SPOCD1: variants seen among roughly 807,000 people sequenced by gnomAD.
SPOCD1 encodes the protein SPOC domain-containing protein 1.
In SPOCD1, 64 loss-of-function variants were observed where a neutral mutation model predicts 92.2. The observed-to-expected ratio is 0.69, with a 90% confidence interval of 0.57 to 0.86. The LOEUF (loss-of-function observed/expected upper bound fraction) is 0.86. SPOCD1 is among the 40% of genes least tolerant of loss of function. The pLI is 0.00. For synonymous variants in SPOCD1, 578 were observed against 619.3 expected (o/e 0.93, Z 0.99); for missense variants, 1,360 against 1,543.1 (o/e 0.88, Z 1.99).
Position 31,790,427 on chromosome 1 carries a change from A to G in SPOCD1, c.*176T>C, listed in dbSNP as rs907584706. 5 of 668,956 alleles carry G rather than the reference A, an allele frequency of 7.5e-6. No individual in the cohort carries two copies. The highest frequency in any genetic ancestry group is 1.3e-5 in the Non-Finnish European group (5 of 395,880). The allele number at this position is 668,956 out of a possible 1,614,324, so 41.4% of individuals were successfully genotyped here. A position where few individuals can be genotyped will look rare whatever the true frequency, so the allele number is the denominator to read the frequency against. On this transcript the variant is annotated 3_prime_UTR_variant, in exon 16 of 16. Coordinates refer to ENST00000360482, the MANE Select transcript of SPOCD1 (RefSeq NM_144569.7). ...TGACCAGCTAGCAGATGCAATCCCA[A>G]TTTTACCAAATTCTTTATTGAACAA... is the stretch of plus-strand genomic sequence containing the variant.
intron 2 of SPOCD1, among the ~76,000 whole-genome samples, chr1:31,804,454 T>C (rs1648676658): frequency 6.6e-6 from 1 of 152,208 alleles, no homozygotes; most frequent in Non-Finnish European, 1.5e-5. Flanking sequence ...AGCTACTTTC[T>C]CAATAGTAAT....
Position 31,791,104 on chromosome 1 carries a change from T to C in SPOCD1, c.3150A>G (p.Pro1050=). 1 of 1,613,086 alleles carries C rather than the reference T, an allele frequency of 6.2e-7. No homozygotes were observed. Among genetic ancestry groups the C allele is most frequent in the South Asian group, 1.1e-5 (1 of 91,004 alleles). ...NSKVEKRYYQ[P]DDRRPNVPLK... ...GGGGCACATTCGGCCTCCTGTCATC[T>C]GGCTGATAGTATCTCTTCTCCACCT... Residue 1050 remains proline (P), a synonymous_variant, in exon 16 of 16, where the codon CCA becomes CCG. Coordinates refer to ENST00000360482, the MANE Select transcript of SPOCD1 (RefSeq NM_144569.7).
In SPOCD1 at chr1:31,815,024, G is replaced by A. The variant is rs1649466344; in HGVS notation, c.310C>T (p.Leu104=). ...CTCCCCTGAGTAGGCACCGAGGGCA[G>A]CTGCATGTGGAGCCCAGGAGCCAGC... ...SMLAPGLHMQ[L]PSVPTQGRAL... Residue 104 remains leucine (L), a synonymous_variant, in exon 2 of 16, where the codon CTG becomes TTG. Transcript: ENST00000360482. 6.2e-7 allele frequency: 1 copy of A among 1,613,836 alleles called. No individual in the cohort carries two copies. Among genetic ancestry groups the A allele is most frequent in the East Asian group, 2.2e-5 (1 of 44,876 alleles).
At position 31,799,452 on chromosome 1, in the gene SPOCD1, A is replaced by G. The variant is rs766560740; in HGVS notation, c.1817T>C (p.Ile606Thr). The change falls in exon 7 of 16, where the codon ATT becomes ACT. Residue 606 changes from isoleucine to threonine, a missense_variant. Ile to Thr is a moderately conservative substitution (Grantham distance 89). Coordinates refer to ENST00000360482, the MANE Select transcript of SPOCD1 (RefSeq NM_144569.7). ...ACGGACAACAGTGCCCCGCACCCCA[A>G]TATACAGGGATGGCTTCTCCTGTTG... ...QLQQEKPSLYIGVRGTVVRSM... is the reference protein window; with the variant it reads ...QLQQEKPSLYTGVRGTVVRSM... 8.7e-6 allele frequency: 14 copies of G among 1,611,890 alleles called. No individual in the cohort carries two copies. In the African/African-American group the frequency reaches 9.3e-5, roughly 11 times the overall value.
rs1264528719 is a variant in SPOCD1 at position 31,798,847 on chromosome 1, T to C, written c.1869-246A>G. 9 of 573,952 alleles carry C rather than the reference T, an allele frequency of 1.6e-5. No individual in the cohort carries two copies. Among genetic ancestry groups the C allele is most frequent in the Non-Finnish European group, 2.8e-5 (9 of 324,732 alleles). The allele number at this position is 573,952 out of a possible 1,614,324, so 35.6% of individuals were successfully genotyped here. A position where few individuals can be genotyped will look rare whatever the true frequency, so the allele number is the denominator to read the frequency against. ...AGAGGCTTACTCACAACTGTGTAAT[T>C]AGTGGCAAAAGCAAGATTTGAAACT... On this transcript the variant is annotated intron_variant, in intron 7 of 15. Transcript: ENST00000360482. This position sits in a 1 kb window ranked among gnomAD's most constrained non-coding sequence, Gnocchi z 4.1.
Position 31,796,634 on chromosome 1 carries a change from T to A in SPOCD1, c.2227A>T (p.Ile743Phe). 1 of 1,614,218 alleles carries A rather than the reference T, an allele frequency of 6.2e-7. No homozygotes were observed. Among genetic ancestry groups the A allele is most frequent in the Non-Finnish European group, 8.5e-7 (1 of 1,180,038 alleles). ...SKMTHKGEVE[I>F]QRDMDQTLTL... ...AGTGTCTGGTCCATGTCCCGCTGAA[T>A]CTCCACTTCGCCCTTGTGGGTCATT... Residue 743 changes from isoleucine (I) to phenylalanine (F), a missense_variant, in exon 10 of 16, where the codon ATT (isoleucine) becomes TTT (phenylalanine). By Grantham distance (21) the Ile-to-Phe change is conservative. Coordinates refer to ENST00000360482, the MANE Select transcript of SPOCD1 (RefSeq NM_144569.7).
Position 31,792,653 on chromosome 1 carries a change from G to A in SPOCD1, c.2775+25C>T. 1.3e-6 allele frequency: 2 copies of A among 1,548,568 alleles called. 1 individual carries two copies. The highest frequency in any genetic ancestry group is 1.8e-6 in the Non-Finnish European group (2 of 1,138,910). On this transcript the variant is annotated intron_variant, in intron 14 of 15. Coordinates refer to ENST00000360482, the MANE Select transcript of SPOCD1 (RefSeq NM_144569.7). ...TGGGAGTAAGGTACTAGGAAAAGAG[G>A]GGGTGCCCAAGAGTGGGCAGGTACC...
intron 2 of SPOCD1, among the ~76,000 whole-genome samples, chr1:31,802,635 G>A (rs1648541574): frequency 6.6e-6 from 1 of 152,136 alleles, no homozygotes; most frequent in South Asian, 2.1e-4. Context: ...CATAATAGAG[G>A]TTATCTCTGG....
chr1:31,792,918 GC>G (rs1647709558), intron 13 of SPOCD1, 151 bp from the exon 14 acceptor site: 17 of 718,770 alleles, frequency 2.4e-5, no homozygotes, highest in Non-Finnish European at 3.9e-5. Flanking sequence ...AGCTCTAATT[GC>G]CCCATGGAGG....
intron 10 of SPOCD1, 72 bp from the exon 11 acceptor site, chr1:31,794,307 G>T: frequency 9.1e-7 from 1 of 1,096,852 alleles, no homozygotes; most frequent in Non-Finnish European, 1.3e-6. Flanking sequence ...ATGGGTAGGG[G>T]GCCCCAGGAT....
At position 31,791,005 on chromosome 1, in the gene SPOCD1, G is replaced by C. The variant is rs766870662; in HGVS notation, c.3249C>G (p.Ile1083Met). Reference sequence around the variant, plus strand: ...CTCTGGGGGGCCTCTGCCAAGCAGAGATTCCCCTTGGAGCTATACTGCCCC... The same window carrying C: ...CTCTGGGGGGCCTCTGCCAAGCAGACATTCCCCTTGGAGCTATACTGCCCC... ...QGRGSIAPRGISAWQRPPRGR... is the reference protein window; with the variant it reads ...QGRGSIAPRGMSAWQRPPRGR... Residue 1083 changes from isoleucine (I) to methionine (M), a missense_variant, in exon 16 of 16, where the codon ATC (isoleucine) becomes ATG (methionine). Ile to Met is a conservative substitution (Grantham distance 10). Coordinates refer to ENST00000360482, the MANE Select transcript of SPOCD1 (RefSeq NM_144569.7). 6.3e-7 allele frequency: 1 copy of C among 1,595,574 alleles called. No individual in the cohort carries two copies. The highest frequency in any genetic ancestry group is 1.3e-5 in the African/African-American group (1 of 74,372).
At chr1:31,803,426 G>A (rs966102197) in intron 2 of SPOCD1, among the ~76,000 whole-genome samples, 1 of 151,672 alleles carries the variant, frequency 6.6e-6, no homozygotes, top group Non-Finnish European at 1.5e-5. Context: ...TAAATTAAAT[G>A]TGTTGCACTT....
chr1:31,813,894 T>C (rs1649360207), intron 2 of SPOCD1, 57 bp downstream of exon 2: 1 of 1,402,418 alleles, frequency 7.1e-7, no homozygotes, highest in Admixed American at 2.5e-5. Context: ...CTGCCAAGTA[T>C]GGTATTGAGA....
rs770105086 is a variant in SPOCD1, at chr1:31,814,981, C to T, written c.353G>A (p.Arg118Lys). Reference sequence around the variant, plus strand: ...GATGTCACACAGAGAAACCTGGAGCCTCTTGGAGGTCAGAGCTCTCCCCTG... The same window carrying T: ...GATGTCACACAGAGAAACCTGGAGCTTCTTGGAGGTCAGAGCTCTCCCCTG... ...PTQGRALTSK[R>K]LQVSLCDILD... is the part of the protein sequence containing the mutation. Residue 118 changes from arginine to lysine, a missense_variant, in exon 2 of 16, where the codon AGG becomes AAG. Physicochemically the swap from Arg to Lys is conservative, Grantham distance 26 (BLOSUM62 2). Around this residue, in one of 3 missense-constraint regions of SPOCD1, gnomAD observed 140 missense variants for 183.8 expected, o/e 0.76. Coordinates refer to ENST00000360482, the MANE Select transcript of SPOCD1 (RefSeq NM_144569.7). This position sits in a 1 kb window ranked among gnomAD's most constrained non-coding sequence, Gnocchi z 4.2. 5 of 1,613,816 alleles carry T rather than the reference C, an allele frequency of 3.1e-6. No individual in the cohort carries two copies. The East Asian group carries it at 6.7e-5, about 22-fold the overall frequency.
At chr1:31,813,675 C>T (rs1649348686) in intron 2 of SPOCD1, among the ~76,000 whole-genome samples, 2 of 152,184 alleles carry the variant, frequency 1.3e-5, no homozygotes, top group East Asian at 3.8e-4. Flanking sequence ...AAGAAAACAT[C>T]CCACAGTCAT....
In SPOCD1 at chr1:31,799,794, TC is replaced by T. The variant is rs1648306834; in HGVS notation, c.1783+14del. ...GTCTCTGGAAGCAGAAGAGGCTCCC[TC>T]CAGGGCCCTTCACCTGAGTCCTCTG... On this transcript the variant is annotated intron_variant, in intron 6 of 15. Coordinates refer to ENST00000360482, the MANE Select transcript of SPOCD1 (RefSeq NM_144569.7). 6.2e-7 allele frequency: 1 copy of T among 1,613,494 alleles called. No individual in the cohort carries two copies. Among genetic ancestry groups the T allele is most frequent in the South Asian group, 1.1e-5 (1 of 91,080 alleles).
intron 2 of SPOCD1, among the ~76,000 whole-genome samples, chr1:31,804,992 T>TTTTTTTG (rs1648723245): frequency 7.2e-6 from 1 of 139,572 alleles, no homozygotes; most frequent in Admixed American, 7.2e-5. Flanking sequence ...TTTCTTTTTT[T>TTTTTTTG]TTTTTTTGAG....
intron 2 of SPOCD1, among the ~76,000 whole-genome samples, chr1:31,809,458 T>C (rs1487741201): frequency 6.6e-6 from 1 of 151,962 alleles, no homozygotes; most frequent in Non-Finnish European, 1.5e-5. Flanking sequence ...CCAGAAAATA[T>C]TCCCTGGAGA....
rs761634852 is a variant in SPOCD1, at chr1:31,800,591, G to A, written c.1452C>T (p.Leu484=). The part of the protein sequence containing the change: ...CYLGSGPVIQ[L]LGAISHGQAG... ...CCTGGCCGTGGCTGATGGCCCCCAG[G>A]AGCTGGATCACTGGCCCGGAACCCA... Residue 484 remains leucine, a synonymous_variant, in exon 4 of 16, where the codon CTC becomes CTT. Transcript: ENST00000360482. 1 of 1,609,188 alleles carries A rather than the reference G, an allele frequency of 6.2e-7. No individual in the cohort carries two copies. The highest frequency in any genetic ancestry group is 8.5e-7 in the Non-Finnish European group (1 of 1,177,552).
Sources: allele counts gnomAD v4.1 joint callset (sites outside exome capture counted in the v4.1 genomes callset), GRCh38; gene constraint gnomAD v4.1.1; regional missense constraint gnomAD v4.1.1; non-coding constraint Gnocchi (gnomAD v3.1); transcripts MANE v1.5; gene names NCBI Gene and HGNC (gene_info 2026-07-23, HGNC 2026-07-21).